Variants in ALK observed in about 807,000 individuals in gnomAD.
ALK encodes the protein ALK receptor tyrosine kinase.
A neutral mutation model predicts 163.1 loss-of-function variants in ALK; 74 were observed. That is an observed-to-expected ratio of 0.45 (90% CI 0.38 to 0.55). The LOEUF is 0.55. Among genes scored for constraint, ALK ranks in the 20% least tolerant of loss-of-function variants. The pLI, the probability that ALK is intolerant of heterozygous loss-of-function variation, is 0.00. For synonymous variants in ALK, 960 were observed against 843.2 expected (o/e 1.14, Z -2.40); for missense variants, 2,063 against 2,105.3 (o/e 0.98, Z 0.39).
In ALK at chr2:29,539,812, T is replaced by C. The variant is rs556050226; in HGVS notation, c.953-7696A>G. 2.0e-5 allele frequency among the ~76,000 whole-genome samples: 3 copies of C among 152,320 alleles called. No homozygotes were observed. In the South Asian group the frequency reaches 6.2e-4, roughly 32 times the overall value. On this transcript the variant is annotated intron_variant, in intron 3 of 28. Coordinates refer to ENST00000389048, the MANE Select transcript of ALK (RefSeq NM_004304.5). Reference sequence around the variant, plus strand: ...TTGATTCTTTTTATGCTTTATTGTCTAAAGTTAAGAAAACTTTTTCTTTTG... The same window carrying C: ...TTGATTCTTTTTATGCTTTATTGTCCAAAGTTAAGAAAACTTTTTCTTTTG...
At chr2:29,758,607 C>T (rs1486854088) in intron 1 of ALK, among the ~76,000 whole-genome samples, 3 of 152,148 alleles carry the variant, frequency 2.0e-5, no homozygotes, top group Non-Finnish European at 4.4e-5. Flanking sequence ...GGCACCTGGC[C>T]CTCTCCTTGG....
In ALK at chr2:29,877,528, C is replaced by G. The variant is rs1175137256; in HGVS notation, c.667+42465G>C. On this transcript the variant is annotated intron_variant, in intron 1 of 28. Transcript: ENST00000389048. Reference sequence around the variant, plus strand: ...TTTTCTGTTTGGTTCACTGCTGTATCCCTAGCGCCTAGACCATGCCTATCA... The same window carrying G: ...TTTTCTGTTTGGTTCACTGCTGTATGCCTAGCGCCTAGACCATGCCTATCA... 2.0e-5 allele frequency among the ~76,000 whole-genome samples: 3 copies of G among 152,314 alleles called. No individual in the cohort carries two copies. The East Asian group carries it at 5.8e-4, about 29-fold the overall frequency.
intron 4 of ALK, among the ~76,000 whole-genome samples, chr2:29,412,234 G>T (rs1334443462): frequency 6.6e-6 from 1 of 152,188 alleles, no homozygotes; most frequent in Admixed American, 6.5e-5. Flanking sequence ...ACAAAATCTT[G>T]AAAGGTATGT....
intron 4 of ALK, 50 bp downstream of exon 4, chr2:29,531,865 A>C: frequency 6.3e-7 from 1 of 1,598,244 alleles, no homozygotes; most frequent in South Asian, 1.1e-5. Flanking sequence ...TGTAACCAAA[A>C]GCCAAATCAC....
chr2:29,580,427 G>T (rs539052655), intron 3 of ALK, among the ~76,000 whole-genome samples: 2 of 152,054 alleles, frequency 1.3e-5, no homozygotes, highest in African/African-American at 4.8e-5. Context: ...CAAGGCCACC[G>T]CTGGCATCTG....
At chr2:29,406,340 C>T (rs1043014194) in intron 4 of ALK, among the ~76,000 whole-genome samples, 1 of 152,212 alleles carries the variant, frequency 6.6e-6, no homozygotes, top group Non-Finnish European at 1.5e-5. Context: ...CCTCCTGTTT[C>T]CATTTCTTCC....
Position 29,594,904 on chromosome 2 carries a change from G to A in ALK, c.953-62788C>T, listed in dbSNP as rs1410652754. ...TTTTCTAAACAAAAATGGGGGGTGG[G>A]GGGCGGGGGGCAAAGAAGGTTGAAA... On this transcript the variant is annotated intron_variant, in intron 3 of 28. Transcript: ENST00000389048. 3.0e-5 allele frequency among the ~76,000 whole-genome samples: 3 copies of A among 100,848 alleles called. No homozygotes were observed. The Admixed American group carries it at 3.3e-4, about 11-fold the overall frequency. 66.2% of individuals were successfully genotyped at this position (100,848 alleles called of 152,430 possible).
intron 1 of ALK, among the ~76,000 whole-genome samples, chr2:29,779,028 C>T (rs1221731840): frequency 2.0e-4 from 30 of 151,818 alleles, no homozygotes; most frequent in Admixed American, 1.5e-3. Context: ...TGGTGGCGGG[C>T]GCCTGTAGTC....
At chr2:29,669,949 C>T (rs1291760210) in intron 3 of ALK, among the ~76,000 whole-genome samples, 4 of 151,888 alleles carry the variant, frequency 2.6e-5, no homozygotes, top group African/African-American at 9.7e-5. Flanking sequence ...TCTCAATTTA[C>T]AAATTTTTAT....
At chr2:29,894,534 G>A (rs1057239908) in intron 1 of ALK, among the ~76,000 whole-genome samples, 1 of 152,018 alleles carries the variant, frequency 6.6e-6, no homozygotes, top group African/African-American at 2.4e-5. Flanking sequence ...ATAACCTGGG[G>A]AGGGGGAGCA....
intron 4 of ALK, among the ~76,000 whole-genome samples, chr2:29,508,619 C>A (rs562265783): frequency 6.7e-6 from 1 of 150,002 alleles, no homozygotes; most frequent in Non-Finnish European, 1.5e-5. Flanking sequence ...ATGGGTGCAG[C>A]ACACCAACAT....
intron 4 of ALK, among the ~76,000 whole-genome samples, chr2:29,399,283 T>C (rs1011504597): frequency 1.3e-5 from 2 of 152,196 alleles, no homozygotes; most frequent in South Asian, 2.1e-4. Flanking sequence ...ATAACAGAGA[T>C]GAGGTTCCAA....
intron 1 of ALK, among the ~76,000 whole-genome samples, chr2:29,871,239 G>C (rs1666569989): frequency 6.6e-6 from 1 of 152,178 alleles, no homozygotes; most frequent in Admixed American, 6.5e-5. Context: ...CTTTCACCTA[G>C]AGGAAGTTTG....
At chr2:29,283,373 C>G (rs1573191007) in intron 9 of ALK, among the ~76,000 whole-genome samples, 1 of 152,186 alleles carries the variant, frequency 6.6e-6, no homozygotes. Flanking sequence ...GGCCCGCCAT[C>G]CATTCTTCTT....
intron 23 of ALK, 117 bp from the exon 24 acceptor site, chr2:29,214,198 AG>A: frequency 8.3e-6 from 7 of 845,720 alleles, no homozygotes; most frequent in Non-Finnish European, 1.4e-5. Context: ...CAGCTACACC[AG>A]GGGCCTCGGC....
intron 3 of ALK, among the ~76,000 whole-genome samples, chr2:29,573,680 C>T (rs1052025579): frequency 3.9e-5 from 6 of 152,200 alleles, no homozygotes; most frequent in East Asian, 1.9e-4. Context: ...AGAGAGCGTG[C>T]GGGCCACAAA....
intron 1 of ALK, among the ~76,000 whole-genome samples, chr2:29,884,871 G>C (rs1263648403): frequency 1.3e-5 from 2 of 152,188 alleles, no homozygotes; most frequent in Non-Finnish European, 2.9e-5. Context: ...GCAGATTAAA[G>C]TACCCTACTC....
At chr2:29,531,756 A>T (rs1471099352) in intron 4 of ALK, among the ~76,000 whole-genome samples, 159 bp downstream of exon 4, 3 of 152,294 alleles carry the variant, frequency 2.0e-5, no homozygotes, top group Admixed American at 2.0e-4. Flanking sequence ...AGTACCCAAG[A>T]CACTACCTAA....
At chr2:29,333,304 C>T (rs575638069) in intron 5 of ALK, among the ~76,000 whole-genome samples, 4 of 152,136 alleles carry the variant, frequency 2.6e-5, no homozygotes, top group East Asian at 1.9e-4. Context: ...TTAGTAGAGA[C>T]GAGGTTTCGC....
Sources: allele counts gnomAD v4.1 joint callset (sites outside exome capture counted in the v4.1 genomes callset), GRCh38; gene constraint gnomAD v4.1.1; transcripts MANE v1.5; gene names NCBI Gene and HGNC (gene_info 2026-07-23, HGNC 2026-07-21).